Variants in CTTNBP2 observed in about 807,000 individuals in gnomAD.
The protein encoded by CTTNBP2 is cortactin-binding protein 2.
In CTTNBP2, 108 loss-of-function variants were observed where a neutral mutation model predicts 156.9. The ratio of observed to expected loss-of-function variants is 0.69; its 90% CI spans 0.59 to 0.81. The LOEUF (loss-of-function observed/expected upper bound fraction) is 0.81, where lower values mean the gene tolerates loss of function less well. Ranked by LOEUF, CTTNBP2 falls within the 30% of genes least tolerant of loss-of-function variation. CTTNBP2 has a pLI of 0.00. For missense variants in CTTNBP2, 1,924 were observed against 2,035.4 expected, an observed-to-expected ratio of 0.95 and a Z score of 1.05; for synonymous variants, 767 against 751.8, an observed-to-expected ratio of 1.02 and a Z score of -0.33.
At chr7:117,850,451 A>G (rs536040946) in intron 2 of CTTNBP2, among the ~76,000 whole-genome samples, 1 of 152,230 alleles carries the variant, frequency 6.6e-6, no homozygotes, top group Non-Finnish European at 1.5e-5. Context: ...ACAGATAAAT[A>G]GGAGAGACTA....
At chr7:117,777,183 T>A (rs112291212) in intron 8 of CTTNBP2, among the ~76,000 whole-genome samples, 7 of 152,208 alleles carry the variant, frequency 4.6e-5, no homozygotes, top group Admixed American at 4.6e-4. Flanking sequence ...ACTAGCAGCA[T>A]GGTGTTGGTA....
Position 117,866,177 on chromosome 7 carries a change from T to C in CTTNBP2, c.82-4861A>G, listed in dbSNP as rs539870114. 1.4e-4 allele frequency among the ~76,000 whole-genome samples: 22 copies of C among 152,148 alleles called. No individual in the cohort carries two copies. The South Asian group carries it at 3.9e-3, about 27-fold the overall frequency. On this transcript the variant is annotated intron_variant, in intron 1 of 22. Transcript: ENST00000160373. ...AGACCCTGGCTGAGTAAACTCATCT[T>C]AAATTTCCAGAATTGAACACAGGCC...
At chr7:117,751,278 G>A (rs1376735385) in intron 12 of CTTNBP2, among the ~76,000 whole-genome samples, 1 of 152,174 alleles carries the variant, frequency 6.6e-6, no homozygotes, top group African/African-American at 2.4e-5. Context: ...TAAATCCCAA[G>A]TTTTATTTGG....
chr7:117,806,389 A>G (rs1410754134), intron 3 of CTTNBP2, among the ~76,000 whole-genome samples: 24 of 152,166 alleles, frequency 1.6e-4, no homozygotes, highest in Admixed American at 1.6e-3. Flanking sequence ...TAAATTGAGA[A>G]AGCAGAGTGC....
intron 2 of CTTNBP2, among the ~76,000 whole-genome samples, chr7:117,826,826 CATTATTATT>C (rs71984775): frequency 0.089 from 12,534 of 140,098 alleles, 798 homozygotes; most frequent in African/African-American, 0.18. Context: ...TTCTACTGAG[CATTATTATT>C]ATTATTATTA....
intron 1 of CTTNBP2, among the ~76,000 whole-genome samples, chr7:117,864,902 T>TATATATTCATTCAATATATATTC: frequency 6.9e-6 from 1 of 145,034 alleles, no homozygotes; most frequent in African/African-American, 2.5e-5. Context: ...TATATATTCA[T>TATATATTCATTCAATATATATTC]ATATATTCAT....
intron 2 of CTTNBP2, among the ~76,000 whole-genome samples, chr7:117,820,208 T>C (rs1563040877): frequency 6.6e-6 from 1 of 152,210 alleles, no homozygotes; most frequent in Non-Finnish European, 1.5e-5. Flanking sequence ...GGGTAGATAC[T>C]ATTAAATTAT....
In CTTNBP2 at chr7:117,746,026, G is replaced by A; in HGVS notation, c.3422C>T (p.Ala1141Val). 6.2e-7 allele frequency: 1 copy of A among 1,613,924 alleles called. No individual in the cohort carries two copies. The highest frequency in any genetic ancestry group is 8.5e-7 in the Non-Finnish European group (1 of 1,179,776). The change falls in exon 13 of 23, where the codon GCA becomes GTA. Residue 1141 changes from alanine (A) to valine (V), a missense_variant. Physicochemically the swap from Ala to Val is moderately conservative, Grantham distance 64. Coordinates refer to ENST00000160373, the MANE Select transcript of CTTNBP2 (RefSeq NM_033427.3). ...SLQDYIVHQL[A>V]LCLKHRQMAA... is the part of the protein sequence containing the mutation. ...AGTAATCAATACCTTCAGGCAGAGT[G>A]CAAGCTGATGTACTATGTAGTCTTG...
chr7:117,784,232 A>G lies in CTTNBP2; in HGVS notation c.2272+19T>C. On this transcript the variant is annotated intron_variant, in intron 5 of 22. Transcript: ENST00000160373. Reference sequence around the variant, plus strand: ...CCATCCTTTTGCAAGTGTGTGGTATAAGATCTCGCCATATTTACCTGTATG... The same window carrying G: ...CCATCCTTTTGCAAGTGTGTGGTATGAGATCTCGCCATATTTACCTGTATG... 1 of 1,570,418 alleles carries G rather than the reference A, an allele frequency of 6.4e-7. No homozygotes were observed. Among genetic ancestry groups the G allele is most frequent in the Non-Finnish European group, 8.6e-7 (1 of 1,157,582 alleles).
chr7:117,811,010 T>C (rs1443902323), intron 2 of CTTNBP2, 21 bp from the exon 3 acceptor site: 1 of 1,534,042 alleles, frequency 6.5e-7, no homozygotes, highest in Non-Finnish European at 9.0e-7. Flanking sequence ...ATTAGAGAAA[T>C]GTATTGAAGA....
intron 2 of CTTNBP2, among the ~76,000 whole-genome samples, chr7:117,830,660 G>C (rs1468710649): frequency 6.6e-6 from 1 of 152,202 alleles, no homozygotes; most frequent in East Asian, 1.9e-4. Context: ...AGACATTAGA[G>C]TCATTAAACA....
intron 2 of CTTNBP2, among the ~76,000 whole-genome samples, chr7:117,832,659 G>C (rs1399264995): frequency 1.4e-5 from 2 of 148,040 alleles, no homozygotes; most frequent in Non-Finnish European, 3.0e-5. Context: ...ACTAGGGAGA[G>C]ATCGTCTTTC....
At chr7:117,749,909 A>C (rs967273326) in intron 12 of CTTNBP2, among the ~76,000 whole-genome samples, 3 of 152,122 alleles carry the variant, frequency 2.0e-5, no homozygotes, top group African/African-American at 7.2e-5. Flanking sequence ...AAAGTACTTC[A>C]GTGGGAAATT....
chr7:117,779,754 T>C (rs1798304766), intron 7 of CTTNBP2, among the ~76,000 whole-genome samples: 1 of 151,114 alleles, frequency 6.6e-6, no homozygotes, highest in East Asian at 1.9e-4. Context: ...ATAAAATACA[T>C]ATGTATATGT....
chr7:117,812,284 T>C (rs1800340139), intron 2 of CTTNBP2, among the ~76,000 whole-genome samples: 1 of 151,898 alleles, frequency 6.6e-6, no homozygotes, highest in African/African-American at 2.4e-5. Flanking sequence ...GCCACTAGAA[T>C]GAAAAAAAAT....
chr7:117,727,739 C>A (rs531064238), intron 17 of CTTNBP2, among the ~76,000 whole-genome samples: 1 of 152,166 alleles, frequency 6.6e-6, no homozygotes, highest in Admixed American at 6.5e-5. Flanking sequence ...AAAGGGAAAG[C>A]TTTTCAATTC....
intron 14 of CTTNBP2, among the ~76,000 whole-genome samples, chr7:117,739,016 A>C (rs1795853773): frequency 6.6e-6 from 1 of 152,172 alleles, no homozygotes; most frequent in Non-Finnish European, 1.5e-5. Context: ...TCTCCCATGA[A>C]GTAGCAATCA....
At chr7:117,824,707 C>T (rs1379010064) in intron 2 of CTTNBP2, among the ~76,000 whole-genome samples, 1 of 152,212 alleles carries the variant, frequency 6.6e-6, no homozygotes, top group African/African-American at 2.4e-5. Flanking sequence ...AGATCTATGT[C>T]CCATTCAATG....
At chr7:117,718,325 A>G (rs2116362290) in intron 21 of CTTNBP2, among the ~76,000 whole-genome samples, 1 of 152,324 alleles carries the variant, frequency 6.6e-6, no homozygotes, top group East Asian at 1.9e-4. Context: ...TCCTCTAAGG[A>G]AAAAGAATCC....
Sources: gnomAD v4.1 joint callset for allele counts (sites outside exome capture counted in the v4.1 genomes callset) on GRCh38, gnomAD v4.1.1 for gene constraint, MANE v1.5 for transcripts, NCBI Gene and HGNC (gene_info 2026-07-23, HGNC 2026-07-21) for gene names.